The following MGAT4C variants were observed in gnomAD, a reference collection of about 807,000 sequenced individuals.
MGAT4C encodes the protein alpha-1,3-mannosyl-glycoprotein 4-beta-N-acetylglucosaminyltransferase C.
In MGAT4C, 19 loss-of-function variants were observed where a neutral mutation model predicts 40.1. The observed-to-expected ratio is 0.47, with a 90% CI of 0.33 to 0.70. MGAT4C has a LOEUF of 0.70. Ranked by LOEUF, MGAT4C falls within the 30% of genes least tolerant of loss-of-function variation. MGAT4C has a pLI of 0.02. For synonymous variants in MGAT4C, 181 were observed against 187.1 expected (o/e 0.97, Z 0.27); for missense variants, 491 against 563.2 (o/e 0.87, Z 1.30).
upstream of MGAT4C, among the ~76,000 whole-genome samples, chr12:86,258,398 A>T (rs1463119036): frequency 6.6e-6 from 1 of 152,038 alleles, no homozygotes; most frequent in Non-Finnish European, 1.5e-5. Flanking sequence ...CAGAAATCAT[A>T]ACCTCTCTTA....
At chr12:86,385,548 G>A (rs1020051767) in intron 3 of MGAT4C, among the ~76,000 whole-genome samples, 4 of 152,120 alleles carry the variant, frequency 2.6e-5, no homozygotes, top group East Asian at 3.9e-4. Context: ...AGATAAAATC[G>A]AATGGCCTAT....
intron 1 of MGAT4C, among the ~76,000 whole-genome samples, chr12:86,145,373 T>G (rs1883379399): frequency 6.6e-6 from 1 of 152,152 alleles, no homozygotes. Flanking sequence ...GGCCAGAGTA[T>G]AATTGGTATG....
intron 1 of MGAT4C, among the ~76,000 whole-genome samples, chr12:86,201,272 G>A (rs891841676): frequency 6.6e-5 from 10 of 151,784 alleles, no homozygotes; most frequent in Non-Finnish European, 1.5e-4. Flanking sequence ...GCCATTAAAC[G>A]ATCACAGCAA....
intron 1 of MGAT4C, among the ~76,000 whole-genome samples, chr12:86,790,275 A>G (rs1378744455): frequency 6.6e-6 from 1 of 152,172 alleles, no homozygotes; most frequent in African/African-American, 2.4e-5. Flanking sequence ...CAAACATGGT[A>G]GCCACAATTG....
At chr12:86,448,499 A>G (rs967904895) in intron 2 of MGAT4C, among the ~76,000 whole-genome samples, 26 of 152,200 alleles carry the variant, frequency 1.7e-4, no homozygotes, top group African/African-American at 4.8e-4. Context: ...ATGAAAAATT[A>G]TATCATTTAC....
At chr12:86,068,067 A>G (rs1000619159) in intron 1 of MGAT4C, 3 of 152,200 alleles carry the variant, frequency 2.0e-5, no homozygotes, top group Admixed American at 1.3e-4. Flanking sequence ...CAAATTTGAC[A>G]TCCACTTCAG....
At chr12:86,091,099 G>T (rs1373092942) in intron 1 of MGAT4C, among the ~76,000 whole-genome samples, 2 of 151,892 alleles carry the variant, frequency 1.3e-5, no homozygotes, top group African/African-American at 2.4e-5. Context: ...TCTGAAATAC[G>T]TTGAACTGCC....
At chr12:86,374,180 G>C (rs1459450296) in intron 3 of MGAT4C, among the ~76,000 whole-genome samples, 1 of 152,062 alleles carries the variant, frequency 6.6e-6, no homozygotes, top group Non-Finnish European at 1.5e-5. Context: ...TGTAGTGCAA[G>C]TATCATCAGT....
chr12:86,335,835 T>C (rs1189491987), intron 3 of MGAT4C, among the ~76,000 whole-genome samples: 1 of 152,152 alleles, frequency 6.6e-6, no homozygotes, highest in African/African-American at 2.4e-5. Context: ...TCATTTATCA[T>C]GACCTACATG....
chr12:86,181,286 A>C (rs550440164), intron 1 of MGAT4C, among the ~76,000 whole-genome samples: 1 of 152,298 alleles, frequency 6.6e-6, no homozygotes, highest in African/African-American at 2.4e-5. Context: ...GCAGCATGAA[A>C]AAAAACTAAT....
At chr12:86,804,459 A>T (rs1593223107) in intron 1 of MGAT4C, among the ~76,000 whole-genome samples, 1 of 132,712 alleles carries the variant, frequency 7.5e-6, no homozygotes, top group East Asian at 1.9e-4. Context: ...GAAAGAAAGA[A>T]GAAAAAAATA....
At position 86,308,642 on chromosome 12, in the gene MGAT4C, G is replaced by A. The variant is rs77707541; in HGVS notation, c.-57+25423C>T. Among the ~76,000 whole-genome samples the A allele has an allele frequency of 9.6e-3, 1,443 of 150,536 alleles. 153 individuals are homozygous for A. Among genetic ancestry groups the A allele is most frequent in the African/African-American group, 0.035 (1,399 of 40,034 alleles). Reference sequence around the variant, plus strand: ...TTTCAGTAAATAGATTTTTAAAATGGCAAAATACACAAAAACTGAGAAGGA... The same window carrying A: ...TTTCAGTAAATAGATTTTTAAAATGACAAAATACACAAAAACTGAGAAGGA... On this transcript the variant is annotated intron_variant, in intron 4 of 7. Transcript: ENST00000548651.
At chr12:86,117,441 A>T (rs1046826981) in intron 1 of MGAT4C, among the ~76,000 whole-genome samples, 2 of 152,284 alleles carry the variant, frequency 1.3e-5, no homozygotes, top group African/African-American at 4.8e-5. Context: ...ACACCACTGG[A>T]ATGTTTTTTT....
intron 1 of MGAT4C, among the ~76,000 whole-genome samples, chr12:86,744,313 A>T (rs1951118345): frequency 1.3e-5 from 2 of 151,614 alleles, no homozygotes; most frequent in African/African-American, 4.8e-5. Context: ...GGAAAAAAAA[A>T]ATATGATTGA....
At chr12:86,130,316 T>A (rs1048962665) in intron 1 of MGAT4C, among the ~76,000 whole-genome samples, 1 of 152,154 alleles carries the variant, frequency 6.6e-6, no homozygotes, top group Non-Finnish European at 1.5e-5. Flanking sequence ...CCATATTGAA[T>A]ATGAAATATA....
At position 86,063,606 on chromosome 12, in the gene MGAT4C, TGGTGTGCTGTATTCAGAAGATCCATC is replaced by T. The variant is rs552175162; in HGVS notation, c.-56-13909_-56-13884del. Among the ~76,000 whole-genome samples, 402 of 151,964 alleles carry T rather than the reference TGGTGTGCTGTATTCAGAAGATCCATC, an allele frequency of 2.6e-3. 3 individuals are homozygous for T. Among genetic ancestry groups the T allele is most frequent in the Middle Eastern group, 0.01 (3 of 294 alleles). On this transcript the variant is annotated intron_variant, in intron 1 of 4. Coordinates refer to ENST00000611864, the MANE Select transcript of MGAT4C (RefSeq NM_001351288.2). ...AACTGGATAAAGAGTCAAGATCCAT[TGGTGTGCTGTATTCAGAAGATCCATC>T]GGTGTGCTGTATTCAGGAGACCCAT...
chr12:86,267,819 A>G (rs1372453176), intron 4 of MGAT4C, among the ~76,000 whole-genome samples: 1 of 152,164 alleles, frequency 6.6e-6, no homozygotes, highest in Non-Finnish European at 1.5e-5. Flanking sequence ...AAGATCTTAG[A>G]ACCAGATTTT....
At chr12:86,726,346 C>T (rs11104054) in intron 2 of MGAT4C, among the ~76,000 whole-genome samples, 1 of 152,138 alleles carries the variant, frequency 6.6e-6, no homozygotes, top group Non-Finnish European at 1.5e-5. Flanking sequence ...GGTGACAGGT[C>T]TGATAGAGAT....
intron 2 of MGAT4C, among the ~76,000 whole-genome samples, chr12:86,438,700 C>T (rs1180718114): frequency 6.6e-6 from 1 of 151,748 alleles, no homozygotes; most frequent in Non-Finnish European, 1.5e-5. Flanking sequence ...ACAGTAATCA[C>T]AAACCAAATA....
Sources: allele counts gnomAD v4.1 joint callset (sites outside exome capture counted in the v4.1 genomes callset), GRCh38; gene constraint gnomAD v4.1.1; transcripts MANE v1.5; gene names NCBI Gene and HGNC (gene_info 2026-07-23, HGNC 2026-07-21).